The following BLZF1 variants were observed in gnomAD, a reference collection of about 807,000 sequenced individuals.
BLZF1 encodes the protein basic leucine zipper nuclear factor 1, also known as golgin-45.
A neutral mutation model predicts 43.8 loss-of-function variants in BLZF1; 39 were observed. The observed-to-expected ratio is 0.89, with a 90% confidence interval of 0.69 to 1.16. The LOEUF (loss-of-function observed/expected upper bound fraction) is 1.16. Among genes scored for constraint, BLZF1 ranks in the 50% most tolerant of loss-of-function variants. The pLI, the probability that BLZF1 is intolerant of heterozygous loss-of-function variation, is 0.00. For synonymous variants in BLZF1, 136 were observed against 159.4 expected, an observed-to-expected ratio of 0.85 and a Z score of 1.11; for missense variants, 449 against 469.8, an observed-to-expected ratio of 0.96 and a Z score of 0.41.
chr1:169,387,142 A>G lies in BLZF1; in HGVS notation c.1163A>G (p.Asn388Ser), dbSNP rs779153670. The change falls in exon 7 of 7, where the codon AAT (asparagine) becomes AGT (serine). Residue 388 changes from asparagine to serine, a missense_variant. Physicochemically the swap from Asn to Ser is conservative, Grantham distance 46 (BLOSUM62 1). Coordinates refer to ENST00000367808, the MANE Select transcript of BLZF1 (RefSeq NM_001320973.2). ...PYTRYENITF[N>S]CCNHCRGELI... Reference sequence around the variant, plus strand: ...ACTAGATATGAAAATATAACTTTCAATTGCTGCAATCACTGCCGGGGAGAA... The same window carrying G: ...ACTAGATATGAAAATATAACTTTCAGTTGCTGCAATCACTGCCGGGGAGAA... The G allele has an allele frequency of 4.3e-6, 7 of 1,613,418 alleles. No homozygotes were observed. Among genetic ancestry groups the G allele is most frequent in the Admixed American group, 3.3e-5 (2 of 59,800 alleles).
At chr1:169,382,581 T>C (rs1112839) in intron 6 of BLZF1, among the ~76,000 whole-genome samples, 81,239 of 152,112 alleles carry the variant, frequency 0.53, 22,533 homozygotes, top group Non-Finnish European at 0.6. Context: ...AAAACCACTG[T>C]GTAGAATTTT....
chr1:169,392,156 G>A (rs963903965), downstream of BLZF1, among the ~76,000 whole-genome samples: 1 of 151,762 alleles, frequency 6.6e-6, no homozygotes, highest in African/African-American at 2.4e-5. Context: ...GTATTATTAA[G>A]ATGGCAGTAC....
At chr1:169,370,834 CCTT>C (rs1193639576) in intron 2 of BLZF1, among the ~76,000 whole-genome samples, 2 of 152,172 alleles carry the variant, frequency 1.3e-5, no homozygotes, top group Non-Finnish European at 2.9e-5. Flanking sequence ...TCCCTAATCT[CCTT>C]CTTTATGATT....
At chr1:169,384,476 C>T (rs1232098737) in intron 6 of BLZF1, among the ~76,000 whole-genome samples, 1 of 152,150 alleles carries the variant, frequency 6.6e-6, no homozygotes, top group Non-Finnish European at 1.5e-5. Context: ...CAGTCTCCCT[C>T]ATTATTGAAT....
intron 6 of BLZF1, 67 bp downstream of exon 6, chr1:169,382,348 C>A (rs1654551958): frequency 7.1e-7 from 1 of 1,408,294 alleles, no homozygotes; most frequent in Admixed American, 1.9e-5. Flanking sequence ...GGTGACATAT[C>A]ATGGAAAGCA....
At chr1:169,377,184 T>G in intron 3 of BLZF1, 1 of 540,118 alleles carries the variant, frequency 1.9e-6, no homozygotes, top group Non-Finnish European at 3.3e-6. Context: ...TAAACCTCAT[T>G]GAAGATGGAG....
In BLZF1 at chr1:169,376,824, C is replaced by T. The variant is rs1191223428; in HGVS notation, c.313C>T (p.His105Tyr). 1 of 1,613,342 alleles carries T rather than the reference C, an allele frequency of 6.2e-7. No homozygotes were observed. The highest frequency in any genetic ancestry group is 1.1e-5 in the South Asian group (1 of 91,064). The change falls in exon 3 of 7, where the codon CAT (histidine) becomes TAT (tyrosine). Residue 105 changes from histidine (H) to tyrosine (Y), a missense_variant. His to Tyr is a moderately conservative substitution (Grantham distance 83). Transcript: ENST00000367808. The stretch of plus-strand genomic sequence containing the variant: ...TACAAAGGTTAAGTCTCTGGGACAT[C>T]ATAAAGGAGAATTCCTTGGTCAGTC... Reference protein sequence around the residue: ...KNTKVKSLGHHKGEFLGQSEG... With the variant: ...KNTKVKSLGHYKGEFLGQSEG...
intron 1 of BLZF1, among the ~76,000 whole-genome samples, chr1:169,369,211 C>T (rs1654014263): frequency 1.3e-5 from 2 of 152,034 alleles, no homozygotes; most frequent in African/African-American, 4.8e-5. Context: ...AAATTCAGGA[C>T]ATACTTCTGA....
At chr1:169,395,837 G>C (rs1654992090) in intron 7 of BLZF1, 1 of 149,562 alleles carries the variant, frequency 6.7e-6, no homozygotes, top group African/African-American at 2.5e-5. Flanking sequence ...GTTTGTGTGT[G>C]TGTGTGTGTG....
intron 5 of BLZF1, 54 bp downstream of exon 5, chr1:169,380,663 T>G: frequency 6.3e-7 from 1 of 1,590,500 alleles, no homozygotes; most frequent in Admixed American, 1.7e-5. Flanking sequence ...CAAATTAAGT[T>G]ATTGTAGTTT....
At chr1:169,390,694 TA>T (rs1310873205), downstream of BLZF1, among the ~76,000 whole-genome samples, 2 of 152,060 alleles carry the variant, frequency 1.3e-5, no homozygotes, top group South Asian at 2.1e-4. Flanking sequence ...ACAGTGCACT[TA>T]AAAAAAATTT....
At chr1:169,379,376 C>G (rs1654458614) in intron 4 of BLZF1, among the ~76,000 whole-genome samples, 1 of 151,948 alleles carries the variant, frequency 6.6e-6, no homozygotes, top group South Asian at 2.1e-4. Flanking sequence ...CTTTAACAGT[C>G]TTTTGTTTAT....
chr1:169,380,687 T>A (rs1654498042), intron 5 of BLZF1, 78 bp downstream of exon 5: 1 of 1,539,528 alleles, frequency 6.5e-7, no homozygotes. Context: ...TTTTTTTGTT[T>A]GTTTGTTTTT....
chr1:169,379,786 C>T (rs1430703952), intron 4 of BLZF1, among the ~76,000 whole-genome samples: 1 of 151,776 alleles, frequency 6.6e-6, no homozygotes. Context: ...TGTATCCAAT[C>T]AGTAGAAAAC....
chr1:169,382,385 G>A, intron 6 of BLZF1, 104 bp downstream of exon 6: 1 of 969,980 alleles, frequency 1.0e-6, no homozygotes, highest in Non-Finnish European at 1.5e-6. Context: ...AGGAAATGTG[G>A]GATCTAAACC....
intron 1 of BLZF1, among the ~76,000 whole-genome samples, chr1:169,369,012 A>G (rs1216058179): frequency 2.0e-5 from 3 of 152,226 alleles, no homozygotes; most frequent in Non-Finnish European, 4.4e-5. Flanking sequence ...AAAAAAGTAT[A>G]AATTATGTTA....
intron 2 of BLZF1, among the ~76,000 whole-genome samples, chr1:169,372,040 A>G (rs1339628593): frequency 1.3e-5 from 2 of 152,208 alleles, no homozygotes; most frequent in African/African-American, 4.8e-5. Context: ...GCAGTATGCA[A>G]CATTGCCCAC....
intron 4 of BLZF1, among the ~76,000 whole-genome samples, chr1:169,379,495 A>G (rs1186009222): frequency 6.6e-6 from 1 of 152,042 alleles, no homozygotes; most frequent in Admixed American, 6.6e-5. Flanking sequence ...GAGGCAAATC[A>G]TGAATATATT....
chr1:169,374,078 A>G (rs947674581), intron 2 of BLZF1, among the ~76,000 whole-genome samples: 4 of 152,042 alleles, frequency 2.6e-5, no homozygotes, highest in Non-Finnish European at 5.9e-5. Flanking sequence ...TTTTAAGAAT[A>G]CAGGTAGCTG....
Sources: gnomAD v4.1 joint callset for allele counts (sites outside exome capture counted in the v4.1 genomes callset) on GRCh38, gnomAD v4.1.1 for gene constraint, MANE v1.5 for transcripts, NCBI Gene and HGNC (gene_info 2026-07-23, HGNC 2026-07-21) for gene names.